The following SLC10A7 variants were observed in gnomAD, a reference collection of about 807,000 sequenced individuals.
SLC10A7 encodes the protein sodium/bile acid cotransporter 7.
Under a neutral mutation model 43.2 loss-of-function variants are expected in SLC10A7, and 29 were observed. That is an observed-to-expected ratio of 0.67 (90% confidence interval 0.50 to 0.92). SLC10A7 has a LOEUF of 0.92. SLC10A7 is among the 40% of genes least tolerant of loss of function. SLC10A7 has a pLI of 0.00. For missense variants in SLC10A7, 295 were observed against 403.2 expected, an observed-to-expected ratio of 0.73 and a Z score of 2.30; for synonymous variants, 152 against 144.8, an observed-to-expected ratio of 1.05 and a Z score of -0.35.
At chr4:146,476,856 A>G (rs1734068923) in intron 4 of SLC10A7, among the ~76,000 whole-genome samples, 1 of 152,142 alleles carries the variant, frequency 6.6e-6, no homozygotes, top group Non-Finnish European at 1.5e-5. Flanking sequence ...GGTGTTGTTC[A>G]CAGTGGGGGA....
At chr4:146,261,734 T>C (rs1728236566) in intron 10 of SLC10A7, among the ~76,000 whole-genome samples, 1 of 152,176 alleles carries the variant, frequency 6.6e-6, no homozygotes, top group Admixed American at 6.5e-5. Context: ...ATTTCCTATC[T>C]CTACCCCCAC....
At chr4:146,375,562 CTTT>C (rs921584581) in intron 5 of SLC10A7, among the ~76,000 whole-genome samples, 20 of 152,166 alleles carry the variant, frequency 1.3e-4, no homozygotes, top group African/African-American at 4.8e-4. Context: ...CCTAACTCTT[CTTT>C]TTTGTTTTTG....
In SLC10A7 at chr4:146,506,132, G is replaced by A. The variant is rs78081985; in HGVS notation, c.321-2208C>T. ...TCTTCCAGCCCCTTCCCTTCTATGTGCAAAAAAGCAGAATTCTCATAGTTT... is the reference window on the plus strand; with the variant it reads ...TCTTCCAGCCCCTTCCCTTCTATGTACAAAAAAGCAGAATTCTCATAGTTT... On this transcript the variant is annotated intron_variant, in intron 3 of 11. Transcript: ENST00000335472. Among the ~76,000 whole-genome samples the A allele has an allele frequency of 9.0e-4, 136 of 151,838 alleles. 2 individuals are homozygous for A. In the South Asian group the frequency reaches 0.014, roughly 16 times the overall value.
At chr4:146,370,054 A>G (rs1460468625) in intron 5 of SLC10A7, among the ~76,000 whole-genome samples, 5 of 152,216 alleles carry the variant, frequency 3.3e-5, no homozygotes, top group African/African-American at 1.2e-4. Flanking sequence ...TGAAAGTAAA[A>G]AAAAATCAAT....
At chr4:146,412,128 C>CT (rs1728239326) in intron 5 of SLC10A7, among the ~76,000 whole-genome samples, 1 of 148,526 alleles carries the variant, frequency 6.7e-6, no homozygotes, top group Admixed American at 6.9e-5. Context: ...CTACAGTTGT[C>CT]TTTTATCTTC....
At chr4:146,499,894 T>A (rs1041326741) in intron 4 of SLC10A7, among the ~76,000 whole-genome samples, 12 of 152,310 alleles carry the variant, frequency 7.9e-5, no homozygotes, top group African/African-American at 2.4e-4. Flanking sequence ...TAATGCTACG[T>A]CAATGTCAAG....
At chr4:146,409,187 T>C (rs991139424) in intron 5 of SLC10A7, among the ~76,000 whole-genome samples, 1 of 151,950 alleles carries the variant, frequency 6.6e-6, no homozygotes, top group Non-Finnish European at 1.5e-5. Context: ...TCTATAAACA[T>C]AGAAGTCAAA....
chr4:146,411,607 T>C (rs1312113604), intron 5 of SLC10A7, among the ~76,000 whole-genome samples: 1 of 152,164 alleles, frequency 6.6e-6, no homozygotes, highest in Non-Finnish European at 1.5e-5. Flanking sequence ...ATACTAATGT[T>C]TGAAGGAGAG....
At chr4:146,470,488 A>G (rs918217106) in intron 4 of SLC10A7, among the ~76,000 whole-genome samples, 1 of 152,072 alleles carries the variant, frequency 6.6e-6, no homozygotes, top group African/African-American at 2.4e-5. Flanking sequence ...GAATTTTGCT[A>G]TAACTACAAA....
rs142009273 is a variant in SLC10A7, at chr4:146,344,555, C to G, written c.436-18559G>C. On this transcript the variant is annotated intron_variant, in intron 5 of 11. Coordinates refer to ENST00000335472, the MANE Select transcript of SLC10A7 (RefSeq NM_001029998.6). ...AGTTTTCACGGTGTGGCCTGGGGACCTACGGGTTCCTAAGACCTTTTGGAG... is the reference window on the plus strand; with the variant it reads ...AGTTTTCACGGTGTGGCCTGGGGACGTACGGGTTCCTAAGACCTTTTGGAG... Among the ~76,000 whole-genome samples the G allele has an allele frequency of 1.6e-3, 239 of 151,958 alleles. 1 individual carries two copies. The highest frequency in any genetic ancestry group is 5.4e-3 in the African/African-American group (224 of 41,448).
In SLC10A7 at chr4:146,303,701, C is replaced by T. The variant is rs1731323303; in HGVS notation, c.555+2225G>A. ...AGCCTATACATACATTTTTTATATTCAATATTTCAAAGACTTGTTTCCTGT... is the reference window on the plus strand; with the variant it reads ...AGCCTATACATACATTTTTTATATTTAATATTTCAAAGACTTGTTTCCTGT... On this transcript the variant is annotated intron_variant, in intron 7 of 11. Coordinates refer to ENST00000335472, the MANE Select transcript of SLC10A7 (RefSeq NM_001029998.6). 2.0e-5 allele frequency among the ~76,000 whole-genome samples: 3 copies of T among 151,938 alleles called. No homozygotes were observed. The South Asian group carries it at 6.3e-4, about 32-fold the overall frequency.
intron 3 of SLC10A7, among the ~76,000 whole-genome samples, chr4:146,504,659 C>G (rs915692262): frequency 2.0e-5 from 3 of 151,960 alleles, no homozygotes; most frequent in Non-Finnish European, 2.9e-5. Context: ...TCTTCAAAAC[C>G]ACTTCCTAAG....
intron 4 of SLC10A7, among the ~76,000 whole-genome samples, chr4:146,455,376 G>A (rs930263231): frequency 6.6e-6 from 1 of 151,850 alleles, no homozygotes; most frequent in Non-Finnish European, 1.5e-5. Context: ...CACACTGAGA[G>A]AGGAATTGGC....
At chr4:146,485,293 CA>C (rs1734816582) in intron 4 of SLC10A7, among the ~76,000 whole-genome samples, 1 of 152,140 alleles carries the variant, frequency 6.6e-6, no homozygotes, top group African/African-American at 2.4e-5. Flanking sequence ...TTACAACATC[CA>C]AATAAAGCTG....
chr4:146,469,564 G>T (rs977833035), intron 4 of SLC10A7, among the ~76,000 whole-genome samples: 5 of 152,280 alleles, frequency 3.3e-5, no homozygotes, highest in Middle Eastern at 3.4e-3. Flanking sequence ...CTTATTGTAA[G>T]ATATGATCAC....
intron 5 of SLC10A7, among the ~76,000 whole-genome samples, chr4:146,419,831 G>T (rs753740321): frequency 1.3e-5 from 2 of 151,146 alleles, no homozygotes; most frequent in African/African-American, 2.4e-5. Flanking sequence ...GCAAGACTCC[G>T]TCTAAAAAAA....
Position 146,513,688 on chromosome 4 carries a change from TAAGA to T in SLC10A7, c.183+3346_183+3349del, listed in dbSNP as rs1336547402. The stretch of plus-strand genomic sequence containing the variant: ...CCTCTTAACAATAGGGAAGCGCTTC[TAAGA>T]AAGAGTTTCAAGACTTTCACAAAAT... On this transcript the variant is annotated intron_variant, in intron 2 of 11. Transcript: ENST00000335472. Among the ~76,000 whole-genome samples the T allele has an allele frequency of 3.9e-5, 6 of 152,206 alleles. No individual in the cohort carries two copies. In the East Asian group the frequency reaches 9.6e-4, roughly 24 times the overall value.
At chr4:146,516,826 A>G (rs1000289588) in intron 2 of SLC10A7, among the ~76,000 whole-genome samples, 3 of 152,072 alleles carry the variant, frequency 2.0e-5, no homozygotes, top group African/African-American at 7.2e-5. Context: ...TTATAACCAC[A>G]TCCTCAGGGC....
intron 5 of SLC10A7, among the ~76,000 whole-genome samples, chr4:146,380,170 G>C (rs142444326): frequency 3.9e-5 from 6 of 152,176 alleles, no homozygotes; most frequent in Non-Finnish European, 5.9e-5. Flanking sequence ...GTATATGTTA[G>C]TTTTAATCCC....
Sources: allele counts gnomAD v4.1 joint callset (sites outside exome capture counted in the v4.1 genomes callset), GRCh38; gene constraint gnomAD v4.1.1; transcripts MANE v1.5; gene names NCBI Gene and HGNC (gene_info 2026-07-23, HGNC 2026-07-21).